The following INPP4A variants were observed in gnomAD, a reference collection of about 807,000 sequenced individuals.
The protein encoded by INPP4A is inositol polyphosphate-4-phosphatase, type I, 107kD.
Under a neutral mutation model 119.8 loss-of-function variants are expected in INPP4A, and 33 were observed. The ratio of observed to expected loss-of-function variants is 0.28; its 90% CI spans 0.21 to 0.37. The LOEUF (loss-of-function observed/expected upper bound fraction) is 0.37, where lower values mean the gene tolerates loss of function less well. Ranked by LOEUF, INPP4A falls within the 10% of genes least tolerant of loss-of-function variation. The pLI is 1.00. For synonymous variants in INPP4A, 496 were observed against 500.7 expected (o/e 0.99, Z 0.12); for missense variants, 956 against 1,289.9 (o/e 0.74, Z 3.97).
At chr2:98,505,233 C>T (rs1683817554) in intron 1 of INPP4A, among the ~76,000 whole-genome samples, 1 of 152,194 alleles carries the variant, frequency 6.6e-6, no homozygotes, top group Admixed American at 6.5e-5. Flanking sequence ...CTGCCCAACC[C>T]CTCTAGGAGG....
At chr2:98,493,190 T>C (rs1298110527) in intron 1 of INPP4A, among the ~76,000 whole-genome samples, 3 of 152,142 alleles carry the variant, frequency 2.0e-5, no homozygotes, top group Admixed American at 6.5e-5. Context: ...CTGGGTTCCC[T>C]GAGCCCTGTG....
intron 24 of INPP4A, among the ~76,000 whole-genome samples, chr2:98,577,772 T>A (rs1287189947): frequency 6.6e-6 from 1 of 152,184 alleles, no homozygotes; most frequent in Non-Finnish European, 1.5e-5. Context: ...TAAAAGTGTC[T>A]ACTGTTGATC....
At chr2:98,484,636 T>C (rs918931071) in intron 1 of INPP4A, among the ~76,000 whole-genome samples, 3 of 152,180 alleles carry the variant, frequency 2.0e-5, no homozygotes, top group African/African-American at 7.2e-5. Flanking sequence ...AAGGGTTTAG[T>C]AAAACATAGT....
At chr2:98,578,266 C>A (rs1011742174) in intron 24 of INPP4A, among the ~76,000 whole-genome samples, 1 of 152,202 alleles carries the variant, frequency 6.6e-6, no homozygotes, top group Non-Finnish European at 1.5e-5. Flanking sequence ...TCCAGTGTGA[C>A]CCTGGTGCTG....
In INPP4A at chr2:98,566,158, A is replaced by G. The variant is rs1696389657; in HGVS notation, c.2409A>G (p.Thr803=). The change falls in exon 21 of 25, where the codon ACA becomes ACG. Residue 803 remains threonine, a synonymous_variant. Coordinates refer to ENST00000409851, the MANE Select transcript of INPP4A (RefSeq NM_001134225.2). This position sits in a 1 kb window ranked among gnomAD's most constrained non-coding sequence, Gnocchi z 4.2. ...LFNVGINEQQ[T]LAERFGDTSL... ...ACGTGGGCATCAATGAGCAGCAGACACTGGCCGAGAGGTGCGTGCCGGCTC... is the reference window on the plus strand; with the variant it reads ...ACGTGGGCATCAATGAGCAGCAGACGCTGGCCGAGAGGTGCGTGCCGGCTC... The G allele has an allele frequency of 6.3e-7, 1 of 1,593,274 alleles. No homozygotes were observed. The highest frequency in any genetic ancestry group is 8.6e-7 in the Non-Finnish European group (1 of 1,167,676).
intron 1 of INPP4A, among the ~76,000 whole-genome samples, chr2:98,491,896 AT>A (rs57088045): frequency 0.28 from 41,755 of 148,572 alleles, 5,793 homozygotes; most frequent in Middle Eastern, 0.36. Context: ...TCACAAGTGC[AT>A]TTTTTTTTTT....
chr2:98,552,742 C>A, intron 13 of INPP4A, 44 bp from the exon 14 acceptor site: 1 of 1,488,534 alleles, frequency 6.7e-7, no homozygotes, highest in Non-Finnish European at 9.4e-7. Context: ...TCATCCTTTT[C>A]AGATTCTGGA....
At chr2:98,475,819 G>T (rs919837714) in intron 1 of INPP4A, among the ~76,000 whole-genome samples, 1 of 152,160 alleles carries the variant, frequency 6.6e-6, no homozygotes, top group South Asian at 2.1e-4. Context: ...CCTCTGGGGC[G>T]GGGGGAGCCT....
At chr2:98,555,498 TG>T in intron 15 of INPP4A, 54 bp from the exon 16 acceptor site, 1 of 1,542,464 alleles carries the variant, frequency 6.5e-7, no homozygotes, top group Non-Finnish European at 8.8e-7. Flanking sequence ...GTTTGTGTTA[TG>T]TTTGTGTTTC....
chr2:98,543,514 G>T (rs1229841616), intron 10 of INPP4A, among the ~76,000 whole-genome samples: 1 of 152,196 alleles, frequency 6.6e-6, no homozygotes, highest in Non-Finnish European at 1.5e-5. Flanking sequence ...CCCAGACTCA[G>T]GTGGGCTGTG....
chr2:98,583,213 AG>A (rs1220344925), intron 24 of INPP4A, among the ~76,000 whole-genome samples: 1 of 152,270 alleles, frequency 6.6e-6, no homozygotes, highest in Non-Finnish European at 1.5e-5. Context: ...ATTTTAAAAC[AG>A]TATTTTTCAT....
intron 1 of INPP4A, among the ~76,000 whole-genome samples, chr2:98,500,641 T>C (rs1303098262): frequency 9.9e-5 from 15 of 151,952 alleles, no homozygotes. Flanking sequence ...GGATGGGAAC[T>C]TACTAAGAGG....
At chr2:98,457,423 G>A (rs998604908) in intron 1 of INPP4A, among the ~76,000 whole-genome samples, 2 of 152,174 alleles carry the variant, frequency 1.3e-5, no homozygotes, top group African/African-American at 4.8e-5. Flanking sequence ...AGGATTACAT[G>A]AGCTATGACT....
intron 17 of INPP4A, among the ~76,000 whole-genome samples, chr2:98,562,074 G>A (rs1339621260): frequency 6.6e-6 from 1 of 152,220 alleles, no homozygotes; most frequent in Non-Finnish European, 1.5e-5. Flanking sequence ...CTCAGCAGTG[G>A]CCGGGGCCGG....
intron 4 of INPP4A, among the ~76,000 whole-genome samples, chr2:98,522,692 G>C (rs1367598374): frequency 6.6e-6 from 1 of 151,904 alleles, no homozygotes; most frequent in East Asian, 1.9e-4. Flanking sequence ...AATGCTGAAA[G>C]AGACCCATAA....
chr2:98,584,678 T>C (rs1699754174), intron 24 of INPP4A, among the ~76,000 whole-genome samples: 1 of 152,230 alleles, frequency 6.6e-6, no homozygotes, highest in Admixed American at 6.5e-5. Flanking sequence ...TCCTCCAGGG[T>C]CTGGGTGAAA....
At chr2:98,512,285 G>A (rs1400205419) in intron 1 of INPP4A, among the ~76,000 whole-genome samples, 2 of 152,216 alleles carry the variant, frequency 1.3e-5, no homozygotes, top group Non-Finnish European at 2.9e-5. Flanking sequence ...TCACCTATGG[G>A]GGAGGAGGGA....
intron 5 of INPP4A, 84 bp downstream of exon 5, chr2:98,533,579 T>C (rs1447495293): frequency 4.9e-6 from 4 of 820,148 alleles, no homozygotes; most frequent in East Asian, 2.5e-5. Context: ...TACTTGTGCA[T>C]CTGTAGCTGA....
At chr2:98,550,731 T>C (rs1693357690) in intron 13 of INPP4A, among the ~76,000 whole-genome samples, 1 of 152,230 alleles carries the variant, frequency 6.6e-6, no homozygotes, top group Admixed American at 6.5e-5. Context: ...TGCCTTTTCT[T>C]GCCCCTGCCA....
Sources: allele counts gnomAD v4.1 joint callset (sites outside exome capture counted in the v4.1 genomes callset), GRCh38; gene constraint gnomAD v4.1.1; non-coding constraint Gnocchi (gnomAD v3.1); transcripts MANE v1.5; gene names NCBI Gene and HGNC (gene_info 2026-07-23, HGNC 2026-07-21).